The following DHRS3 variants were observed in gnomAD, a reference collection of about 807,000 sequenced individuals.
DHRS3 encodes dehydrogenase/reductase 3, also known as short-chain dehydrogenase/reductase 3.
Under a neutral mutation model 27.2 loss-of-function variants are expected in DHRS3, and 14 were observed. That is an observed-to-expected ratio of 0.52 (90% CI 0.34 to 0.81). DHRS3 has a LOEUF of 0.81. DHRS3 is among the 30% of genes least tolerant of loss of function. DHRS3 has a pLI of 0.01. For missense variants in DHRS3, 322 were observed against 406.2 expected, an observed-to-expected ratio of 0.79 and a Z score of 1.78; for synonymous variants, 165 against 175.9, an observed-to-expected ratio of 0.94 and a Z score of 0.49.
chr1:12,598,443 C>T (rs891204906), intron 1 of DHRS3, among the ~76,000 whole-genome samples: 2 of 152,200 alleles, frequency 1.3e-5, no homozygotes, highest in Non-Finnish European at 2.9e-5. Context: ...TTAGGAGCTT[C>T]TCTGAGTTCA....
Position 12,617,140 on chromosome 1 carries a change from G to A in DHRS3, c.195+14C>T, listed in dbSNP as rs1264667801. On this transcript the variant is annotated intron_variant, in intron 1 of 5. Coordinates refer to ENST00000616661, the MANE Select transcript of DHRS3 (RefSeq NM_004753.7). ...CTGCGGCCCCCCACTCCCTGGAGTC[G>A]CAGTGCCTGGTACCTTTCTGGCGCC... The A allele has an allele frequency of 1.2e-6, 2 of 1,605,592 alleles. No individual in the cohort carries two copies. Among genetic ancestry groups the A allele is most frequent in the Non-Finnish European group, 1.7e-6 (2 of 1,177,094 alleles).
chr1:12,576,339 G>A (rs1646587702), intron 4 of DHRS3, among the ~76,000 whole-genome samples: 1 of 151,882 alleles, frequency 6.6e-6, no homozygotes, highest in African/African-American at 2.4e-5. Flanking sequence ...GAGGTGGACG[G>A]ATCACGAGGT....
chr1:12,573,527 C>T (rs1646558035), intron 4 of DHRS3, among the ~76,000 whole-genome samples: 2 of 152,242 alleles, frequency 1.3e-5, no homozygotes, highest in South Asian at 4.1e-4. Flanking sequence ...AGTATGTGCT[C>T]AATAAATACT....
chr1:12,576,532 A>C (rs1054178983), intron 4 of DHRS3, among the ~76,000 whole-genome samples: 1 of 151,740 alleles, frequency 6.6e-6, no homozygotes, highest in Non-Finnish European at 1.5e-5. Context: ...ACTGCACTCC[A>C]GCCTGGGCGA....
intron 1 of DHRS3, among the ~76,000 whole-genome samples, chr1:12,581,529 C>T (rs1044498309): frequency 1.3e-5 from 2 of 152,200 alleles, no homozygotes; most frequent in African/African-American, 2.4e-5. Context: ...AGCATGGCCT[C>T]ACCCGGCAGG....
rs1340043986 is a variant in DHRS3, at chr1:12,617,269, A to G, written c.80T>C (p.Leu27Pro). The G allele has an allele frequency of 6.2e-7, 1 of 1,613,840 alleles. No individual in the cohort carries two copies. Among genetic ancestry groups the G allele is most frequent in the South Asian group, 1.1e-5 (1 of 91,092 alleles). ...GTCCCGCAGCTTGGCGGGCAGCACC[A>G]GTCCGACGGCTGCTTTCACCACCAG... The part of the protein sequence containing the change: ...IYLVVKAAVG[L>P]VLPAKLRDLS... Residue 27 changes from leucine to proline, a missense_variant, in exon 1 of 6, where the codon CTG (leucine) becomes CCG (proline). By Grantham distance (98) the Leu-to-Pro change is moderately conservative. Transcript: ENST00000616661.
In DHRS3 at chr1:12,593,912, C is replaced by G. The variant is rs899271643; in HGVS notation, c.196-13246G>C. Among the ~76,000 whole-genome samples the G allele has an allele frequency of 1.3e-5, 2 of 152,248 alleles. No homozygotes were observed. The highest frequency in any genetic ancestry group is 2.9e-5 in the Non-Finnish European group (2 of 68,042). ...TGTTTCTTTTCACAAACATCCCCAG[C>G]CTACAAGACTGGCCAGGGGCTCCAC... On this transcript the variant is annotated intron_variant, in intron 1 of 5. Coordinates refer to ENST00000616661, the MANE Select transcript of DHRS3 (RefSeq NM_004753.7). The surrounding 1 kb of genome is among the most constrained non-coding windows in gnomAD (Gnocchi z 4.6).
chr1:12,607,468 G>A (rs1047603095), intron 1 of DHRS3, among the ~76,000 whole-genome samples: 3 of 152,124 alleles, frequency 2.0e-5, no homozygotes, highest in Admixed American at 6.5e-5. Context: ...ATAAGTGTTC[G>A]GTAGTTCCTT....
Position 12,578,950 on chromosome 1 carries a change from T to G in DHRS3, c.466A>C (p.Lys156Gln). ...INTLGQFWTTKAFLPRMLELQ... is the reference protein window; with the variant it reads ...INTLGQFWTTQAFLPRMLELQ... The stretch of plus-strand genomic sequence containing the variant: ...TCCAGCATACGCGGCAGGAAGGCCT[T>G]GGTGGTCTGAGGGCAGATGGGGTGT... The change falls in exon 4 of 6, where the codon AAG (lysine) becomes CAG (glutamine). Residue 156 changes from lysine (K) to glutamine (Q), a missense_variant. Physicochemically the swap from Lys to Gln is moderately conservative, Grantham distance 53. Coordinates refer to ENST00000616661, the MANE Select transcript of DHRS3 (RefSeq NM_004753.7). This position sits in a 1 kb window ranked among gnomAD's most constrained non-coding sequence, Gnocchi z 4.5. The G allele has an allele frequency of 6.2e-7, 1 of 1,612,180 alleles. No homozygotes were observed. The highest frequency in any genetic ancestry group is 8.5e-7 in the Non-Finnish European group (1 of 1,179,862).
intron 1 of DHRS3, among the ~76,000 whole-genome samples, chr1:12,583,782 G>A (rs1258818135): frequency 7.3e-6 from 1 of 136,626 alleles, no homozygotes; most frequent in Non-Finnish European, 1.6e-5. Context: ...ATCCATCCAT[G>A]CATCCATCCA....
chr1:12,568,240 C>T lies in DHRS3; in HGVS notation c.*100G>A. On this transcript the variant is annotated 3_prime_UTR_variant, in exon 6 of 6. Coordinates refer to ENST00000616661, the MANE Select transcript of DHRS3 (RefSeq NM_004753.7). ...CGCTGGGGACAGGAGCTGTCCTGCT[C>T]ACCCAGCAGAAGCATGCCAATGGAC... The T allele has an allele frequency of 3.5e-6, 4 of 1,150,916 alleles. No individual in the cohort carries two copies. Among genetic ancestry groups the T allele is most frequent in the Non-Finnish European group, 5.2e-6 (4 of 767,868 alleles). 71.3% of individuals were successfully genotyped at this position (1,150,916 alleles called of 1,614,324 possible).
intron 5 of DHRS3, among the ~76,000 whole-genome samples, chr1:12,569,231 T>TCACACACACACACACACACA (rs57427000): frequency 9.1e-6 from 1 of 110,478 alleles, no homozygotes; most frequent in African/African-American, 2.8e-5. Context: ...TCTCTCTCTC[T>TCACACACACACACACACACA]CACACACACA....
At chr1:12,569,231 T>TCACACACACACACACACA (rs57427000) in intron 5 of DHRS3, among the ~76,000 whole-genome samples, 4 of 110,582 alleles carry the variant, frequency 3.6e-5, no homozygotes, top group East Asian at 2.1e-4. Flanking sequence ...TCTCTCTCTC[T>TCACACACACACACACACA]CACACACACA....
intron 1 of DHRS3, among the ~76,000 whole-genome samples, chr1:12,609,863 A>C: frequency 1.3e-5 from 2 of 150,614 alleles, no homozygotes; most frequent in East Asian, 2.0e-4. Flanking sequence ...CAGACACTCC[A>C]CTCTCTCCTC....
intron 1 of DHRS3, among the ~76,000 whole-genome samples, chr1:12,600,949 T>G (rs1241238986): frequency 6.8e-6 from 1 of 147,566 alleles, no homozygotes; most frequent in Non-Finnish European, 1.5e-5. Flanking sequence ...CCCTGAAAAG[T>G]CCATTCTATC....
chr1:12,580,330 C>G (rs1298980971), intron 2 of DHRS3, 193 bp downstream of exon 2: 1 of 681,520 alleles, frequency 1.5e-6, no homozygotes, highest in East Asian at 2.8e-5. Flanking sequence ...ATGATTACGC[C>G]TGTTACGTAA....
At position 12,578,735 on chromosome 1, in the gene DHRS3, G is replaced by A. The variant is rs1646614290; in HGVS notation, c.681C>T (p.Phe227=). Residue 227 remains phenylalanine, a synonymous_variant, in exon 4 of 6, where the codon TTC becomes TTT. Transcript: ENST00000616661. This position sits in a 1 kb window ranked among gnomAD's most constrained non-coding sequence, Gnocchi z 4.5. ...VLPFHTSTEM[F]QGMRVRFPNL... is the part of the protein sequence containing the mutation. ...TCACTGACCTGACTCTCATGCCCTG[G>A]AACATCTCGGTGCTGGTGTGGAAGG... 6.2e-7 allele frequency: 1 copy of A among 1,613,680 alleles called. No individual in the cohort carries two copies. The highest frequency in any genetic ancestry group is 1.1e-5 in the South Asian group (1 of 91,056).
chr1:12,588,928 A>G (rs937605403), intron 1 of DHRS3, among the ~76,000 whole-genome samples: 1 of 152,170 alleles, frequency 6.6e-6, no homozygotes, highest in Non-Finnish European at 1.5e-5. Flanking sequence ...TTGGAGCTGG[A>G]TCGGTGCTGA....
Position 12,586,398 on chromosome 1 carries a change from G to A in DHRS3, c.196-5732C>T, listed in dbSNP as rs1284417303. On this transcript the variant is annotated intron_variant, in intron 1 of 5. Transcript: ENST00000616661. The surrounding 1 kb of genome is among the most constrained non-coding windows in gnomAD (Gnocchi z 5.0). ...CTCCTCACATGCAACCCCACGCCCCGCGTTCATCCCCACCCAGCCAGCCTT... is the reference window on the plus strand; with the variant it reads ...CTCCTCACATGCAACCCCACGCCCCACGTTCATCCCCACCCAGCCAGCCTT... Among the ~76,000 whole-genome samples the A allele has an allele frequency of 2.6e-5, 4 of 152,102 alleles. No homozygotes were observed. The highest frequency in any genetic ancestry group is 2.1e-4 in the South Asian group (1 of 4,832).
Sources: gnomAD v4.1 joint callset for allele counts (sites outside exome capture counted in the v4.1 genomes callset) on GRCh38, gnomAD v4.1.1 for gene constraint, Gnocchi (gnomAD v3.1) non-coding constraint, MANE v1.5 for transcripts, NCBI Gene and HGNC (gene_info 2026-07-23, HGNC 2026-07-21) for gene names.